ITGB1: variants seen among roughly 807,000 people sequenced by gnomAD.
ITGB1 encodes the protein integrin subunit beta 1.
A neutral mutation model predicts 86.5 loss-of-function variants in ITGB1; 24 were observed. That is an observed-to-expected ratio of 0.28 (90% CI 0.20 to 0.39). The LOEUF is 0.39. Among genes scored for constraint, ITGB1 ranks in the 10% least tolerant of loss-of-function variants. ITGB1 has a pLI of 1.00. For synonymous variants in ITGB1, 323 were observed against 316.8 expected (o/e 1.02, Z -0.21); for missense variants, 556 against 946.9 (o/e 0.59, Z 5.42).
intron 1 of ITGB1, chr10:32,944,967 T>C (rs2095027786): frequency 1.8e-6 from 2 of 1,087,474 alleles, no homozygotes; most frequent in East Asian, 5.2e-5. Context: ...CAAACTAAAG[T>C]TCCACAAAGA....
At chr10:32,953,184 A>C (rs1187877263) in intron 1 of ITGB1, among the ~76,000 whole-genome samples, 1 of 152,104 alleles carries the variant, frequency 6.6e-6, no homozygotes, top group Non-Finnish European at 1.5e-5. Flanking sequence ...GTGTTCCAAA[A>C]CCACACAAGC....
chr10:32,908,210 T>C, intron 15 of ITGB1, 158 bp downstream of exon 15: 1 of 689,972 alleles, frequency 1.4e-6, no homozygotes, highest in South Asian at 1.8e-5. Flanking sequence ...ATGCTTTCTG[T>C]TTTTCACTAA....
rs2230394 is a variant in ITGB1, at chr10:32,928,182, G to C, written c.459C>G (p.Tyr153Ter). Residue 153 changes from tyrosine to a stop codon, truncating the protein, a stop_gained, in exon 5 of 16, where the codon TAC (tyrosine) becomes TAG (stop). Coordinates refer to ENST00000302278, the MANE Select transcript of ITGB1 (RefSeq NM_002211.4). LOFTEE classifies it high-confidence loss of function. The part of the protein sequence containing the change: ...IDLYYLMDLS[Y>*]SMKDDLENVK... Reference sequence around the variant, plus strand: ...CATTCTCCAAATCGTCTTTCATTGAGTAAGACAGGTCCATAAGGTAGTAGA... The same window carrying C: ...CATTCTCCAAATCGTCTTTCATTGACTAAGACAGGTCCATAAGGTAGTAGA... 1 of 1,337,904 alleles carries C rather than the reference G, an allele frequency of 7.5e-7. No homozygotes were observed. The allele number at this position is 1,337,904 out of a possible 1,614,324, so 82.9% of individuals were successfully genotyped here. A position where few individuals can be genotyped will look rare whatever the true frequency, so the allele number is the denominator to read the frequency against.
intron 1 of ITGB1, among the ~76,000 whole-genome samples, chr10:32,937,301 G>A (rs989497002): frequency 6.6e-6 from 1 of 152,224 alleles, no homozygotes. Context: ...GCTCACGCCT[G>A]TAATCCAGCA....
At chr10:32,922,386 T>C (rs2094952975) in intron 8 of ITGB1, 40 bp from the exon 9 acceptor site, 2 of 1,341,894 alleles carry the variant, frequency 1.5e-6, no homozygotes, top group Non-Finnish European at 1.1e-6. Flanking sequence ...ACAACTGCTA[T>C]TCATTCAACC....
At chr10:32,934,392 G>A (rs368066384) in intron 2 of ITGB1, among the ~76,000 whole-genome samples, 61 of 152,188 alleles carry the variant, frequency 4.0e-4, no homozygotes, top group African/African-American at 1.4e-3. Flanking sequence ...AGGAGGATAT[G>A]TGTAGGTTAT....
intron 2 of ITGB1, among the ~76,000 whole-genome samples, chr10:32,932,876 C>T (rs1371919528): frequency 1.3e-5 from 2 of 151,108 alleles, no homozygotes; most frequent in African/African-American, 4.9e-5. Flanking sequence ...ATGGGGTATT[C>T]ATCCCCTCAG....
chr10:32,944,571 G>A (rs2095026885), intron 1 of ITGB1: 1 of 500,548 alleles, frequency 2.0e-6, no homozygotes, highest in African/African-American at 2.0e-5. Flanking sequence ...ATTGACCAAA[G>A]GAAACTCATC....
At position 32,912,537 on chromosome 10, in the gene ITGB1, T is replaced by A. The variant is rs368455055; in HGVS notation, c.1470-413A>T. On this transcript the variant is annotated intron_variant, in intron 11 of 15. Transcript: ENST00000302278. ...AGGGTCCCATGCCCAGCTCAGAGGG[T>A]CCCACACCCATGGAGCCTCGCTCAC... 2.0e-4 allele frequency among the ~76,000 whole-genome samples: 31 copies of A among 152,144 alleles called. No individual in the cohort carries two copies. The South Asian group carries it at 5.6e-3, about 28-fold the overall frequency.
At chr10:32,956,171 A>C (rs1399020116) in intron 1 of ITGB1, among the ~76,000 whole-genome samples, 1 of 152,176 alleles carries the variant, frequency 6.6e-6, no homozygotes, top group African/African-American at 2.4e-5. Flanking sequence ...ATATTGATCA[A>C]TGAGTCAACA....
intron 1 of ITGB1, chr10:32,957,944 C>A (rs1450542319): frequency 1.3e-5 from 2 of 150,428 alleles, no homozygotes; most frequent in Admixed American, 6.6e-5. Context: ...TGGCGGCGTG[C>A]GGACTTCCTC....
rs145825063 is a variant in ITGB1 at position 32,939,940 on chromosome 10, T to C, written c.1-4382A>G. Among the ~76,000 whole-genome samples the C allele has an allele frequency of 1.8e-4, 27 of 152,334 alleles. 1 individual carries two copies. In the East Asian group the frequency reaches 2.5e-3, roughly 14 times the overall value. On this transcript the variant is annotated intron_variant, in intron 1 of 15. Transcript: ENST00000302278. ...TTGCGCCTGCATATCCTGTCTCCAA[T>C]GACACATGGAGCTGTCATCTCCTAA...
chr10:32,944,070 C>G (rs2095025426), intron 1 of ITGB1, among the ~76,000 whole-genome samples: 1 of 152,128 alleles, frequency 6.6e-6, no homozygotes, highest in South Asian at 2.1e-4. Context: ...GTTAGAGGAG[C>G]CGCAGGGGAA....
chr10:32,912,676 G>C (rs529417191), intron 11 of ITGB1, among the ~76,000 whole-genome samples: 2 of 152,300 alleles, frequency 1.3e-5, no homozygotes, highest in South Asian at 2.1e-4. Flanking sequence ...GCTAAAACTG[G>C]GTGAAGCCCA....
intron 11 of ITGB1, among the ~76,000 whole-genome samples, chr10:32,915,344 A>G (rs558377883): frequency 6.6e-6 from 1 of 152,326 alleles, no homozygotes; most frequent in Admixed American, 6.5e-5. Context: ...ATAGAGACAT[A>G]AAAAGCCCTT....
At position 32,922,176 on chromosome 10, in the gene ITGB1, T is replaced by G. The variant is rs1005224752; in HGVS notation, c.1128+81A>C. ...TACTTTGGGCTCGCTAAAGTGTGTA[T>G]GAAGGAAGTTTTACTTTCTTTGTAC... is the stretch of plus-strand genomic sequence containing the variant. On this transcript the variant is annotated intron_variant, in intron 9 of 15. Coordinates refer to ENST00000302278, the MANE Select transcript of ITGB1 (RefSeq NM_002211.4). 3.5e-6 allele frequency: 3 copies of G among 856,898 alleles called. No individual in the cohort carries two copies. The African/African-American group carries it at 5.3e-5, about 15-fold the overall frequency. The allele number at this position is 856,898 out of a possible 1,614,324, so 53.1% of individuals were successfully genotyped here. A position where few individuals can be genotyped will look rare whatever the true frequency, so the allele number is the denominator to read the frequency against.
intron 1 of ITGB1, among the ~76,000 whole-genome samples, chr10:32,957,106 A>G (rs935212286): frequency 2.0e-5 from 3 of 152,206 alleles, no homozygotes; most frequent in African/African-American, 7.2e-5. Flanking sequence ...TAATACATGT[A>G]AAATGCCTAG....
rs1224105401 is a variant in ITGB1, at chr10:32,932,562, C to T, written c.106G>A (p.Gly36Arg). The change falls in exon 3 of 16, where the codon GGA becomes AGA. Residue 36 changes from glycine (G) to arginine (R), a missense_variant. Physicochemically the swap from Gly to Arg is moderately radical, Grantham distance 125. Coordinates refer to ENST00000302278, the MANE Select transcript of ITGB1 (RefSeq NM_002211.4). ...TTTGGCCCTGCTTGTATACATTCTC[C>T]ACATGATTTGGCATTTGCTTTTAAA... is the stretch of plus-strand genomic sequence containing the variant. Reference protein sequence around the residue: ...RCLKANAKSCGECIQAGPNCG... With the variant: ...RCLKANAKSCRECIQAGPNCG... The T allele has an allele frequency of 1.2e-6, 2 of 1,610,272 alleles. No individual in the cohort carries two copies. Among genetic ancestry groups the T allele is most frequent in the Non-Finnish European group, 1.7e-6 (2 of 1,176,794 alleles).
chr10:32,941,985 G>A (rs1307309279), intron 1 of ITGB1, among the ~76,000 whole-genome samples: 3 of 152,200 alleles, frequency 2.0e-5, no homozygotes, highest in Non-Finnish European at 4.4e-5. Context: ...GATAAGTCAA[G>A]AGTTAGAGAC....
Sources: allele counts gnomAD v4.1 joint callset (sites outside exome capture counted in the v4.1 genomes callset), GRCh38; gene constraint gnomAD v4.1.1; transcripts MANE v1.5; gene names NCBI Gene and HGNC (gene_info 2026-07-23, HGNC 2026-07-21).